The following PDE4D variants were observed in gnomAD, a reference collection of about 807,000 sequenced individuals.
The protein encoded by PDE4D is phosphodiesterase 4D, also known as 3',5'-cyclic-AMP phosphodiesterase 4D.
In PDE4D, 24 loss-of-function variants were observed where a neutral mutation model predicts 87.4. The ratio of observed to expected loss-of-function variants is 0.27; its 90% CI spans 0.20 to 0.39. The LOEUF (loss-of-function observed/expected upper bound fraction) is 0.39. Among genes scored for constraint, PDE4D ranks in the 10% least tolerant of loss-of-function variants. The probability of loss-of-function intolerance (pLI) is 1.00; values close to 1 mark genes in which losing one functional copy is unlikely to be tolerated. For synonymous variants in PDE4D, 384 were observed against 383.2 expected (o/e 1.00, Z -0.02); for missense variants, 714 against 1,041.0 (o/e 0.69, Z 4.32).
At chr5:60,356,562 T>C (rs79363532) in intron 1 of PDE4D, among the ~76,000 whole-genome samples, 2,818 of 152,272 alleles carry the variant, frequency 0.019, 75 homozygotes, top group African/African-American at 0.065. Context: ...ATTAAAAATG[T>C]CTGAATTGAA....
At chr5:59,279,803 ATGTGTGTGTTTG>A (rs1765493755) in intron 1 of PDE4D, among the ~76,000 whole-genome samples, 1 of 146,150 alleles carries the variant, frequency 6.8e-6, no homozygotes, top group African/African-American at 2.7e-5. Flanking sequence ...ATGTATGTGT[ATGTGTGTGTTTG>A]TGTGTGTGTG....
At chr5:60,267,353 A>G (rs1442421318) in intron 1 of PDE4D, among the ~76,000 whole-genome samples, 26 of 152,212 alleles carry the variant, frequency 1.7e-4, no homozygotes, top group Admixed American at 1.7e-3. Context: ...TATTAATGAG[A>G]TCATAGTATA....
intron 1 of PDE4D, among the ~76,000 whole-genome samples, chr5:59,692,753 T>C (rs765617687): frequency 7.9e-5 from 12 of 152,128 alleles, no homozygotes; most frequent in Non-Finnish European, 1.5e-4. Context: ...CATTTAAAGG[T>C]TCTGGCATCA....
intron 1 of PDE4D, among the ~76,000 whole-genome samples, chr5:59,636,100 C>CAG (rs56019757): frequency 6.6e-6 from 1 of 152,106 alleles, no homozygotes; most frequent in East Asian, 1.9e-4. Context: ...AATAGACAAA[C>CAG]AGCCAAATCA....
chr5:60,443,498 T>C (rs1012717820), intron 1 of PDE4D, among the ~76,000 whole-genome samples: 1 of 152,090 alleles, frequency 6.6e-6, no homozygotes, highest in African/African-American at 2.4e-5. Context: ...AGGTTCTTTT[T>C]CCCCAGGGTA....
chr5:59,062,172 T>C (rs1039727837), intron 5 of PDE4D, among the ~76,000 whole-genome samples: 2 of 152,282 alleles, frequency 1.3e-5, no homozygotes, highest in South Asian at 4.1e-4. Flanking sequence ...TCTCTGGCTG[T>C]CCTAATGAAT....
intron 1 of PDE4D, among the ~76,000 whole-genome samples, chr5:60,429,165 T>C (rs1177655086): frequency 2.6e-5 from 4 of 152,256 alleles, no homozygotes; most frequent in Non-Finnish European, 5.9e-5. Context: ...TTTGTTTATG[T>C]CATCTCTGAT....
chr5:59,034,890 A>C (rs1256128567), intron 6 of PDE4D, among the ~76,000 whole-genome samples: 1 of 152,196 alleles, frequency 6.6e-6, no homozygotes, highest in Non-Finnish European at 1.5e-5. Context: ...GAAACAAAAT[A>C]CATTTTTATA....
At chr5:59,473,508 T>A (rs1349155610) in intron 1 of PDE4D, among the ~76,000 whole-genome samples, 1 of 152,014 alleles carries the variant, frequency 6.6e-6, no homozygotes, top group Non-Finnish European at 1.5e-5. Context: ...TAAAAAATGA[T>A]CAGGAAGATT....
At chr5:59,712,393 CATATAT>C (rs5868190) in intron 1 of PDE4D, among the ~76,000 whole-genome samples, 14,382 of 122,362 alleles carry the variant, frequency 0.12, 800 homozygotes, top group Middle Eastern at 0.15. Flanking sequence ...TAATATTATT[CATATAT>C]ATATATATAT....
At chr5:60,316,585 T>C (rs1418551119) in intron 1 of PDE4D, among the ~76,000 whole-genome samples, 1 of 152,200 alleles carries the variant, frequency 6.6e-6, no homozygotes, top group Non-Finnish European at 1.5e-5. Flanking sequence ...AGGGAATGCT[T>C]CCAGTTTTTG....
Position 59,676,020 on chromosome 5 carries a change from G to A in PDE4D, c.455+217148C>T, listed in dbSNP as rs537347348. ...AAATATAGTGTTAAGAGATCACACT[G>A]TGACCTATAACATTTATATATTTAG... On this transcript the variant is annotated intron_variant, in intron 1 of 14. Transcript: ENST00000340635. Among the ~76,000 whole-genome samples, 5 of 152,160 alleles carry A rather than the reference G, an allele frequency of 3.3e-5. No homozygotes were observed. The South Asian group carries it at 6.2e-4, about 19-fold the overall frequency.
intron 1 of PDE4D, among the ~76,000 whole-genome samples, chr5:59,566,721 TG>T (rs1820995173): frequency 6.6e-6 from 1 of 152,046 alleles, no homozygotes; most frequent in Non-Finnish European, 1.5e-5. Flanking sequence ...TGTTTGGCTA[TG>T]GGGGGATGAG....
chr5:60,094,043 G>GC (rs1327441489), intron 2 of PDE4D, among the ~76,000 whole-genome samples: 1 of 152,090 alleles, frequency 6.6e-6, no homozygotes, highest in African/African-American at 2.4e-5. Flanking sequence ...AAAAAGGCAA[G>GC]CACTAAATGA....
intron 1 of PDE4D, among the ~76,000 whole-genome samples, chr5:60,271,063 G>A (rs1244105274): frequency 2.0e-5 from 3 of 152,080 alleles, no homozygotes; most frequent in African/African-American, 7.2e-5. Flanking sequence ...ATTTTCTATA[G>A]CCACCTTTCC....
intron 1 of PDE4D, among the ~76,000 whole-genome samples, chr5:59,274,948 A>G (rs1218808337): frequency 6.6e-6 from 1 of 152,122 alleles, no homozygotes; most frequent in Admixed American, 6.6e-5. Context: ...TCTGTGCTAA[A>G]AGTGAGGGTA....
At chr5:59,941,067 C>A (rs982309959) in intron 3 of PDE4D, among the ~76,000 whole-genome samples, 1 of 152,176 alleles carries the variant, frequency 6.6e-6, no homozygotes, top group African/African-American at 2.4e-5. Context: ...TACCACCACC[C>A]AGGGCTTGCT....
At chr5:60,037,427 G>T (rs1767936014) in intron 2 of PDE4D, among the ~76,000 whole-genome samples, 1 of 152,060 alleles carries the variant, frequency 6.6e-6, no homozygotes, top group Admixed American at 6.6e-5. Context: ...TCAAATAAAA[G>T]ATTATTTCAT....
At position 58,991,907 on chromosome 5, in the gene PDE4D, C is replaced by T; in HGVS notation, c.1113G>A (p.Met371Ile). Residue 371 changes from methionine (M) to isoleucine (I), a missense_variant, in exon 8 of 15, where the codon ATG (methionine) becomes ATA (isoleucine). By Grantham distance (10) the Met-to-Ile change is conservative. Transcript: ENST00000340635. ...TTGAATTAGTCAGACTAGAGCTGTG[C>T]ATCAATTTCTTGACTCCACTGATCT... ...MSQISGVKKL[M>I]HSSSLTNSSI... The T allele has an allele frequency of 1.2e-6, 2 of 1,605,890 alleles. No homozygotes were observed. Among genetic ancestry groups the T allele is most frequent in the Non-Finnish European group, 8.5e-7 (1 of 1,175,748 alleles).
Sources: gnomAD v4.1 joint callset for allele counts (sites outside exome capture counted in the v4.1 genomes callset) on GRCh38, gnomAD v4.1.1 for gene constraint, MANE v1.5 for transcripts, NCBI Gene and HGNC (gene_info 2026-07-23, HGNC 2026-07-21) for gene names.